The following PRKRA variants were observed in gnomAD, a reference collection of about 807,000 sequenced individuals.
PRKRA encodes protein activator of interferon induced protein kinase EIF2AK2, also known as interferon-inducible double-stranded RNA-dependent protein kinase activator A.
In PRKRA, 22 loss-of-function variants were observed where a neutral mutation model predicts 32.4. The ratio of observed to expected loss-of-function variants is 0.68; its 90% CI spans 0.49 to 0.97. The LOEUF is 0.97. Ranked by LOEUF, PRKRA falls within the 50% of genes least tolerant of loss-of-function variation. The pLI is 0.00. For missense variants in PRKRA, 319 were observed against 375.6 expected (o/e 0.85, Z 1.25); for synonymous variants, 139 against 129.8 (o/e 1.07, Z -0.48).
At chr2:178,443,858 A>G (rs1188513710) in intron 4 of PRKRA, 3 of 178,090 alleles carry the variant, frequency 1.7e-5, no homozygotes, top group Admixed American at 5.4e-5. Flanking sequence ...AGAAAAGCTC[A>G]CTGTGCAGGA....
chr2:178,447,349 C>A, intron 3 of PRKRA, 156 bp downstream of exon 3: 2 of 1,318,834 alleles, frequency 1.5e-6, no homozygotes, highest in Non-Finnish European at 2.1e-6. Flanking sequence ...ATAAAGTTTT[C>A]TTTAATGGAT....
chr2:178,437,535 C>T (rs1040824589), intron 6 of PRKRA, among the ~76,000 whole-genome samples: 1 of 152,182 alleles, frequency 6.6e-6, no homozygotes, highest in Non-Finnish European at 1.5e-5. Context: ...CTTTTACTAG[C>T]AATAAACACT....
intron 5 of PRKRA, among the ~76,000 whole-genome samples, 155 bp from the exon 6 acceptor site, chr2:178,441,859 T>C (rs920245024): frequency 6.6e-6 from 1 of 152,048 alleles, no homozygotes; most frequent in Non-Finnish European, 1.5e-5. Flanking sequence ...TTGTTTGTTA[T>C]GCTATTTTGT....
At chr2:178,437,996 TGCA>T (rs1275050010) in intron 6 of PRKRA, among the ~76,000 whole-genome samples, 3 of 152,192 alleles carry the variant, frequency 2.0e-5, no homozygotes, top group Non-Finnish European at 2.9e-5. Flanking sequence ...TGCTGCTGTG[TGCA>T]GCAGATGTGT....
intron 6 of PRKRA, chr2:178,439,064 T>G (rs1697018388): frequency 6.6e-6 from 1 of 152,220 alleles, no homozygotes. Context: ...TAGTAGACTT[T>G]TCCTCACGTG....
At position 178,450,400 on chromosome 2, in the gene PRKRA, A is replaced by T. The variant is rs755656753; in HGVS notation, c.77T>A (p.Met26Lys). ...TGTTTTCCCTGGCTTAGCTGTTATCATCTTCCCCAAACTGCAAAAACCACA... is the reference window on the plus strand; with the variant it reads ...TGTTTTCCCTGGCTTAGCTGTTATCTTCTTCCCCAAACTGCAAAAACCACA... ...EDSGTFSLGK[M>K]ITAKPGKTPI... Residue 26 changes from methionine to lysine, a missense_variant, in exon 2 of 8, where the codon ATG becomes AAG. Transcript: ENST00000325748. 1.2e-5 allele frequency: 20 copies of T among 1,614,150 alleles called. No individual in the cohort carries two copies. The highest frequency in any genetic ancestry group is 2.7e-5 in the African/African-American group (2 of 74,944).
intron 3 of PRKRA, 83 bp downstream of exon 3, chr2:178,447,422 G>C (rs1697362522): frequency 1.5e-6 from 2 of 1,338,972 alleles, no homozygotes; most frequent in East Asian, 8.3e-5. Flanking sequence ...TCACTTTGTT[G>C]CTTTTGTAAG....
chr2:178,441,534 A>G, intron 6 of PRKRA, 76 bp downstream of exon 6: 1 of 1,177,848 alleles, frequency 8.5e-7, no homozygotes, highest in Admixed American at 1.7e-5. Flanking sequence ...TAGCTATAGA[A>G]TAAGAAATCA....
intron 3 of PRKRA, chr2:178,447,293 G>T: frequency 2.7e-6 from 2 of 733,882 alleles, no homozygotes; most frequent in Non-Finnish European, 4.2e-6. Flanking sequence ...GTAAAGCCTA[G>T]TTCATGAGCA....
Position 178,450,277 on chromosome 2 carries a change from G to A in PRKRA, c.200C>T (p.Thr67Ile). ...SDVQIHVPTF[T>I]FRVTVGDITC... is the part of the protein sequence containing the mutation. ...TATGTCACCAACGGTTACTCTGAAG[G>A]TGAAAGTGGGCACGTGTATTTGCAC... Residue 67 changes from threonine (T) to isoleucine (I), a missense_variant, in exon 2 of 8, where the codon ACC becomes ATC. Coordinates refer to ENST00000325748, the MANE Select transcript of PRKRA (RefSeq NM_003690.5). 6.2e-7 allele frequency: 1 copy of A among 1,614,290 alleles called. No homozygotes were observed. The highest frequency in any genetic ancestry group is 8.5e-7 in the Non-Finnish European group (1 of 1,180,058).
At position 178,451,111 on chromosome 2, in the gene PRKRA, A is replaced by G; in HGVS notation, c.-81T>C. Reference sequence around the variant, plus strand: ...GCTCCCCGGGTCGCTGGTCCCCGGGAGGAGCTCCAGCGCCGCCACCTCCTC... The same window carrying G: ...GCTCCCCGGGTCGCTGGTCCCCGGGGGGAGCTCCAGCGCCGCCACCTCCTC... On this transcript the variant is annotated 5_prime_UTR_variant, in exon 1 of 8. Transcript: ENST00000325748. 1 of 1,466,828 alleles carries G rather than the reference A, an allele frequency of 6.8e-7. No individual in the cohort carries two copies. The highest frequency in any genetic ancestry group is 9.1e-7 in the Non-Finnish European group (1 of 1,098,394). The allele number at this position is 1,466,828 out of a possible 1,614,324, so 90.9% of individuals were successfully genotyped here.
chr2:178,448,231 C>A (rs1174209345), intron 2 of PRKRA, among the ~76,000 whole-genome samples: 1 of 152,180 alleles, frequency 6.6e-6, no homozygotes, highest in African/African-American at 2.4e-5. Flanking sequence ...AGACTGATGT[C>A]TAATTTCAGT....
At position 178,451,130 on chromosome 2, in the gene PRKRA, C is replaced by T. The variant is rs1697622770; in HGVS notation, c.-100G>A. ...CCCGGGAGGAGCTCCAGCGCCGCCACCTCCTCCGACTCCCCCGCCTCCTGC... is the reference window on the plus strand; with the variant it reads ...CCCGGGAGGAGCTCCAGCGCCGCCATCTCCTCCGACTCCCCCGCCTCCTGC... On this transcript the variant is annotated 5_prime_UTR_variant, in exon 1 of 8. It adds an upstream start codon to the 5' untranslated region. Coordinates refer to ENST00000325748, the MANE Select transcript of PRKRA (RefSeq NM_003690.5). The T allele has an allele frequency of 3.7e-6, 5 of 1,347,812 alleles. No homozygotes were observed. The highest frequency in any genetic ancestry group is 2.2e-5 in the Admixed American group (1 of 45,446). The allele number at this position is 1,347,812 out of a possible 1,614,324, so 83.5% of individuals were successfully genotyped here.
At position 178,450,979 on chromosome 2, in the gene PRKRA, T is replaced by C; in HGVS notation, c.52A>G (p.Ser18Gly). ...AEAPPLERED[S>G]GTFSLGKMIT... ...CCGCACGCTGACCTGAAGGTCCCACTGTCCTCGCGCTCCAGCGGCGGGGCC... is the reference window on the plus strand; with the variant it reads ...CCGCACGCTGACCTGAAGGTCCCACCGTCCTCGCGCTCCAGCGGCGGGGCC... The change falls in exon 1 of 8, where the codon AGT becomes GGT. Residue 18 changes from serine to glycine, a missense_variant. Physicochemically the swap from Ser to Gly is moderately conservative, Grantham distance 56 (BLOSUM62 0). Transcript: ENST00000325748. 6.4e-7 allele frequency: 1 copy of C among 1,562,682 alleles called. No homozygotes were observed. Among genetic ancestry groups the C allele is most frequent in the Non-Finnish European group, 8.6e-7 (1 of 1,159,482 alleles).
In PRKRA at chr2:178,431,867, C is replaced by A; in HGVS notation, c.*230G>T. 1.7e-6 allele frequency: 1 copy of A among 580,778 alleles called. No homozygotes were observed. The highest frequency in any genetic ancestry group is 3.0e-6 in the Non-Finnish European group (1 of 331,758). The allele number at this position is 580,778 out of a possible 1,614,324, so 36.0% of individuals were successfully genotyped here. ...ATGGCACTGTAAAATGGGTGCTACACTCTCTCTTGTGGTACAAAGTTTATA... is the reference window on the plus strand; with the variant it reads ...ATGGCACTGTAAAATGGGTGCTACAATCTCTCTTGTGGTACAAAGTTTATA... On this transcript the variant is annotated 3_prime_UTR_variant, in exon 8 of 8. Transcript: ENST00000325748.
intron 6 of PRKRA, among the ~76,000 whole-genome samples, chr2:178,441,152 C>T (rs1194046487): frequency 1.3e-5 from 2 of 152,222 alleles, no homozygotes; most frequent in Non-Finnish European, 2.9e-5. Context: ...CCACATCACA[C>T]TCTGTAAGGA....
chr2:178,451,163 G>A lies in PRKRA; in HGVS notation c.-133C>T. The stretch of plus-strand genomic sequence containing the variant: ...GACTCCCCCGCCTCCTGCTTGCGTT[G>A]CTCCAGCGAGGGGGCAGGCAGGGTG... On this transcript the variant is annotated 5_prime_UTR_variant, in exon 1 of 8. Coordinates refer to ENST00000325748, the MANE Select transcript of PRKRA (RefSeq NM_003690.5). 1.2e-6 allele frequency: 1 copy of A among 862,134 alleles called. No homozygotes were observed. Among genetic ancestry groups the A allele is most frequent in the Non-Finnish European group, 1.7e-6 (1 of 603,714 alleles). The allele number at this position is 862,134 out of a possible 1,614,324, so 53.4% of individuals were successfully genotyped here.
intron 3 of PRKRA, 200 bp downstream of exon 3, chr2:178,447,305 C>T (rs1313685959): frequency 6.7e-6 from 6 of 892,916 alleles, no homozygotes; most frequent in Non-Finnish European, 8.2e-6. Context: ...TCATGAGCAC[C>T]TTCATTTAAT....
Position 178,431,986 on chromosome 2 carries a change from T to G in PRKRA, c.*111A>C. 7.9e-7 allele frequency: 1 copy of G among 1,266,410 alleles called. No homozygotes were observed. The highest frequency in any genetic ancestry group is 1.3e-5 in the South Asian group (1 of 78,222). 78.4% of individuals were successfully genotyped at this position (1,266,410 alleles called of 1,614,324 possible). A position where few individuals can be genotyped will look rare whatever the true frequency, so the allele number is the denominator to read the frequency against. Reference sequence around the variant, plus strand: ...AAATCTGGAGTGTTGATGGAATCTATGAAGAGATTTAGAAACAAGACATAA... The same window carrying G: ...AAATCTGGAGTGTTGATGGAATCTAGGAAGAGATTTAGAAACAAGACATAA... On this transcript the variant is annotated 3_prime_UTR_variant, in exon 8 of 8. Coordinates refer to ENST00000325748, the MANE Select transcript of PRKRA (RefSeq NM_003690.5).
Sources: allele counts gnomAD v4.1 joint callset (sites outside exome capture counted in the v4.1 genomes callset), GRCh38; gene constraint gnomAD v4.1.1; transcripts MANE v1.5; gene names NCBI Gene and HGNC (gene_info 2026-07-23, HGNC 2026-07-21).